The following SEC63 variants were observed in gnomAD, a reference collection of about 807,000 sequenced individuals.
SEC63 encodes the protein SEC63 protein translocation regulator, also known as translocation protein SEC63 homolog.
SEC63 carries 56 observed loss-of-function variants against 116.2 expected under a neutral mutation model. The observed-to-expected ratio is 0.48, with a 90% CI of 0.39 to 0.60. SEC63 has a LOEUF of 0.60. Ranked by LOEUF, SEC63 falls within the 20% of genes least tolerant of loss-of-function variation. The pLI is 0.00. For synonymous variants in SEC63, 273 were observed against 294.6 expected (o/e 0.93, Z 0.75); for missense variants, 668 against 900.0 (o/e 0.74, Z 3.30).
At chr6:107,955,728 A>C (rs1445753179) in intron 1 of SEC63, among the ~76,000 whole-genome samples, 1 of 151,920 alleles carries the variant, frequency 6.6e-6, no homozygotes, top group Non-Finnish European at 1.5e-5. Flanking sequence ...TTTACTAAAA[A>C]CACGAAAATA....
intron 1 of SEC63, among the ~76,000 whole-genome samples, chr6:107,953,682 G>A (rs1346543705): frequency 5.1e-5 from 7 of 137,396 alleles, no homozygotes; most frequent in South Asian, 2.3e-4. Flanking sequence ...CAGCCGCCCC[G>A]TCCGGGAGGG....
chr6:107,937,372 T>G (rs4594990), intron 1 of SEC63, among the ~76,000 whole-genome samples: 117,481 of 151,834 alleles, frequency 0.77, 46,640 homozygotes, highest in South Asian at 0.9. Flanking sequence ...GTGATCCACC[T>G]GCCTCGGCCT....
At chr6:107,906,207 C>CCTTTGCCTGCTCTGG (rs941230539) in intron 10 of SEC63, among the ~76,000 whole-genome samples, 1 of 152,200 alleles carries the variant, frequency 6.6e-6, no homozygotes, top group Non-Finnish European at 1.5e-5. Context: ...ACTTGCTCTG[C>CCTTTGCCTGCTCTGG]CTTTGCCTGC....
At chr6:107,932,877 A>G (rs963113730) in intron 1 of SEC63, among the ~76,000 whole-genome samples, 6 of 152,170 alleles carry the variant, frequency 3.9e-5, no homozygotes, top group African/African-American at 7.2e-5. Flanking sequence ...AATACTAATT[A>G]CAAAGGGGAA....
chr6:107,949,452 A>T (rs913412373), intron 1 of SEC63, among the ~76,000 whole-genome samples: 3 of 152,218 alleles, frequency 2.0e-5, no homozygotes, highest in Non-Finnish European at 2.9e-5. Flanking sequence ...AGCTTGAGCA[A>T]CATGGCAAAA....
At chr6:107,949,587 A>G (rs1770540096) in intron 1 of SEC63, among the ~76,000 whole-genome samples, 1 of 152,230 alleles carries the variant, frequency 6.6e-6, no homozygotes, top group Non-Finnish European at 1.5e-5. Flanking sequence ...GAACAAAAGG[A>G]TATATGCCTA....
chr6:107,929,414 C>T lies in SEC63; in HGVS notation c.224+1G>A. ...TTTTTTTCTTGAAATCCATTACTTA[C>T]TTTACTGTAGGAATAATATTTGGCT... is the stretch of plus-strand genomic sequence containing the variant. On this transcript the variant is annotated splice_donor_variant, in intron 2 of 20. Coordinates refer to ENST00000369002, the MANE Select transcript of SEC63 (RefSeq NM_007214.5). LOFTEE classifies it high-confidence loss of function. The T allele has an allele frequency of 1.3e-6, 2 of 1,505,640 alleles. No individual in the cohort carries two copies. Among genetic ancestry groups the T allele is most frequent in the Non-Finnish European group, 1.8e-6 (2 of 1,081,656 alleles). The allele number at this position is 1,505,640 out of a possible 1,614,324, so 93.3% of individuals were successfully genotyped here. A position where few individuals can be genotyped will look rare whatever the true frequency, so the allele number is the denominator to read the frequency against.
intron 9 of SEC63, 48 bp from the exon 10 acceptor site, chr6:107,906,628 A>T (rs1562323799): frequency 1.2e-6 from 2 of 1,606,712 alleles, no homozygotes; most frequent in African/African-American, 2.7e-5. Context: ...TTTTAAAAAA[A>T]GTATTCACTT....
In SEC63 at chr6:107,929,491, T is replaced by C; in HGVS notation, c.148A>G (p.Arg50Gly). 2 of 1,597,558 alleles carry C rather than the reference T, an allele frequency of 1.3e-6. No homozygotes were observed. Among genetic ancestry groups the C allele is most frequent in the Non-Finnish European group, 1.7e-6 (2 of 1,165,254 alleles). The change falls in exon 2 of 21, where the codon AGA becomes GGA. Residue 50 changes from arginine (R) to glycine (G), a missense_variant. Arg to Gly is a moderately radical substitution (Grantham distance 125, BLOSUM62 -2). Transcript: ENST00000369002. The part of the protein sequence containing the change: ...NAEQIRLKNI[R>G]KVYGRCMWYR... ...CACATACACCTTCCATATACTTTTC[T>C]GATATTCTTTAATCGAATTTGCTCT...
At chr6:107,941,745 G>T (rs1485072955) in intron 1 of SEC63, among the ~76,000 whole-genome samples, 1 of 152,360 alleles carries the variant, frequency 6.6e-6, no homozygotes, top group African/African-American at 2.4e-5. Context: ...CCCAAGGAAT[G>T]AGCTTCACTC....
chr6:107,890,472 G>A (rs1786654904), intron 16 of SEC63, among the ~76,000 whole-genome samples: 3 of 152,258 alleles, frequency 2.0e-5, no homozygotes, highest in Middle Eastern at 3.4e-3. Context: ...CTTTTCACGT[G>A]AGATGGGTCT....
chr6:107,958,004 G>A lies in SEC63; in HGVS notation c.6C>T (p.Ala2=). 1 of 1,613,272 alleles carries A rather than the reference G, an allele frequency of 6.2e-7. No individual in the cohort carries two copies. Among genetic ancestry groups the A allele is most frequent in the Non-Finnish European group, 8.5e-7 (1 of 1,179,474 alleles). Residue 2 remains alanine, a synonymous_variant, in exon 1 of 21, where the codon GCC becomes GCT. Coordinates refer to ENST00000369002, the MANE Select transcript of SEC63 (RefSeq NM_007214.5). The stretch of plus-strand genomic sequence containing the variant: ...TGTCATCGTACTGGAACTGCTGCCC[G>A]GCCATGGCACCCCCTCCTCCGCCTC... M[A]GQQFQYDDSG...
intron 16 of SEC63, among the ~76,000 whole-genome samples, chr6:107,889,070 G>A (rs1214750977): frequency 1.3e-5 from 2 of 152,108 alleles, no homozygotes; most frequent in Non-Finnish European, 2.9e-5. Context: ...TTGTGTCTCT[G>A]CCAGGTTTTG....
At chr6:107,937,068 G>A (rs908339682) in intron 1 of SEC63, among the ~76,000 whole-genome samples, 4 of 151,122 alleles carry the variant, frequency 2.6e-5, no homozygotes, top group African/African-American at 9.7e-5. Context: ...GTGCTATAAA[G>A]GACATTTCAT....
intron 3 of SEC63, among the ~76,000 whole-genome samples, chr6:107,923,795 C>T (rs1787610278): frequency 6.6e-6 from 1 of 151,232 alleles, no homozygotes; most frequent in African/African-American, 2.4e-5. Flanking sequence ...GCTAGGATTA[C>T]AGGTGTAAGC....
intron 14 of SEC63, among the ~76,000 whole-genome samples, chr6:107,896,017 T>C (rs60787306): frequency 0.038 from 5,814 of 151,234 alleles, 352 homozygotes; most frequent in African/African-American, 0.13. Context: ...ATACAAAAAA[T>C]TGGCTGGACA....
At chr6:107,879,115 A>C (rs1786346888) in intron 18 of SEC63, among the ~76,000 whole-genome samples, 1 of 152,252 alleles carries the variant, frequency 6.6e-6, no homozygotes, top group South Asian at 2.1e-4. Context: ...AAACACGGAA[A>C]TGTAGACAGG....
At chr6:107,928,936 CTT>C (rs1194195985) in intron 2 of SEC63, among the ~76,000 whole-genome samples, 1 of 152,220 alleles carries the variant, frequency 6.6e-6, no homozygotes, top group Non-Finnish European at 1.5e-5. Flanking sequence ...CATTCTTAGC[CTT>C]TGTTTCCTCA....
At chr6:107,955,914 A>G in intron 1 of SEC63, 1 of 280,630 alleles carries the variant, frequency 3.6e-6, no homozygotes, top group Non-Finnish European at 7.1e-6. Context: ...AAATAAATAA[A>G]TAGTATGATT....
Sources: gnomAD v4.1 joint callset for allele counts (sites outside exome capture counted in the v4.1 genomes callset) on GRCh38, gnomAD v4.1.1 for gene constraint, MANE v1.5 for transcripts, NCBI Gene and HGNC (gene_info 2026-07-23, HGNC 2026-07-21) for gene names.